Variants in NEDD4L observed in about 807,000 individuals in gnomAD.
NEDD4L encodes the protein NEDD4 like E3 ubiquitin protein ligase.
In NEDD4L, 54 loss-of-function variants were observed where a neutral mutation model predicts 148.9. That is an observed-to-expected ratio of 0.36 (90% CI 0.29 to 0.45). The LOEUF is 0.45. Ranked by LOEUF, NEDD4L falls within the 20% of genes least tolerant of loss-of-function variation. The pLI, the probability that NEDD4L is intolerant of heterozygous loss-of-function variation, is 1.00. For missense variants in NEDD4L, 856 were observed against 1,233.8 expected (o/e 0.69, Z 4.59); for synonymous variants, 433 against 440.7 (o/e 0.98, Z 0.22).
intron 16 of NEDD4L, among the ~76,000 whole-genome samples, chr18:58,348,326 C>CTTTTTTTTCTTTTTTTTTTTT (rs2043371626): frequency 3.4e-5 from 3 of 88,672 alleles, no homozygotes; most frequent in African/African-American, 1.6e-4. Context: ...TCTTTTTTTT[C>CTTTTTTTTCTTTTTTTTTTTT]TTTTTTTTTT....
At chr18:58,124,459 A>G (rs191814660) in intron 1 of NEDD4L, among the ~76,000 whole-genome samples, 15 of 152,238 alleles carry the variant, frequency 9.9e-5, no homozygotes, top group Admixed American at 6.5e-4. Flanking sequence ...TGCTGCTCCA[A>G]GTGCCTTCTG....
intron 2 of NEDD4L, among the ~76,000 whole-genome samples, chr18:58,226,015 A>G (rs544902536): frequency 1.3e-5 from 2 of 152,338 alleles, no homozygotes; most frequent in Admixed American, 1.3e-4. Flanking sequence ...GTTAAAAGAA[A>G]ACAAGAAAAC....
intron 2 of NEDD4L, among the ~76,000 whole-genome samples, chr18:58,229,760 G>A (rs1337466354): frequency 1.3e-5 from 2 of 152,194 alleles, no homozygotes; most frequent in South Asian, 4.1e-4. Context: ...GGGAGGCCGA[G>A]GCGGGCGGAT....
rs900404730 is a variant in NEDD4L at position 58,102,771 on chromosome 18, T to G, written c.48+58063T>G. On this transcript the variant is annotated intron_variant, in intron 1 of 30. Transcript: ENST00000400345. ...GTGTGTGTAGGTTATATGCAAATCC[T>G]ATACCATTTTATGTCAGAGACTTGA... Among the ~76,000 whole-genome samples the G allele has an allele frequency of 1.4e-4, 22 of 152,214 alleles. 1 individual carries two copies.
rs113741425 is a variant in NEDD4L, at chr18:58,274,162, G to A, written c.297+22108G>A. 9.1e-3 allele frequency among the ~76,000 whole-genome samples: 1,381 copies of A among 152,282 alleles called. 22 individuals carry two copies. Among genetic ancestry groups the A allele is most frequent in the African/African-American group, 0.032 (1,318 of 41,546 alleles). ...GCCCATCTCCAAGTGTCAGGCAGGTGAGTGAAGCCATCTTGGATGCTCCAG... is the reference window on the plus strand; with the variant it reads ...GCCCATCTCCAAGTGTCAGGCAGGTAAGTGAAGCCATCTTGGATGCTCCAG... On this transcript the variant is annotated intron_variant, in intron 5 of 30. Coordinates refer to ENST00000400345, the MANE Select transcript of NEDD4L (RefSeq NM_001144967.3).
chr18:58,299,371 T>C (rs2056145395), intron 5 of NEDD4L, among the ~76,000 whole-genome samples: 1 of 152,274 alleles, frequency 6.6e-6, no homozygotes, highest in African/African-American at 2.4e-5. Context: ...CCTTGACTTC[T>C]TGAATTGCAG....
intron 1 of NEDD4L, among the ~76,000 whole-genome samples, chr18:58,164,837 A>C (rs769767442): frequency 2.6e-5 from 4 of 152,164 alleles, no homozygotes; most frequent in Non-Finnish European, 5.9e-5. Flanking sequence ...TGCAGGCTCT[A>C]CATTGATAAC....
intron 2 of NEDD4L, among the ~76,000 whole-genome samples, chr18:58,241,698 G>C (rs2046658741): frequency 6.6e-6 from 1 of 151,820 alleles, no homozygotes; most frequent in Non-Finnish European, 1.5e-5. Context: ...ATTTCTCTAT[G>C]TTCCATTTCA....
chr18:58,251,527 C>CTGTGTGTT (rs1242251357), intron 4 of NEDD4L, among the ~76,000 whole-genome samples: 1 of 151,602 alleles, frequency 6.6e-6, no homozygotes. Context: ...GTCTGTCTGT[C>CTGTGTGTT]TGTGTGTTTG....
At chr18:58,382,187 G>T (rs946562161) in intron 24 of NEDD4L, among the ~76,000 whole-genome samples, 4 of 152,228 alleles carry the variant, frequency 2.6e-5, no homozygotes, top group Non-Finnish European at 4.4e-5. Flanking sequence ...AGTGCGTGGA[G>T]AAGCCGCATG....
intron 1 of NEDD4L, among the ~76,000 whole-genome samples, chr18:58,056,907 T>TTGTTTG (rs1555677527): frequency 1.3e-5 from 2 of 148,162 alleles, no homozygotes; most frequent in South Asian, 4.4e-4. Flanking sequence ...TTTTTTTTTT[T>TTGTTTG]TTTGTTTGTT....
At chr18:58,222,113 CAG>C (rs1241703104) in intron 2 of NEDD4L, among the ~76,000 whole-genome samples, 1 of 152,140 alleles carries the variant, frequency 6.6e-6, no homozygotes, top group African/African-American at 2.4e-5. Context: ...TAATGGAAAA[CAG>C]AGACCGCTGA....
intron 1 of NEDD4L, among the ~76,000 whole-genome samples, chr18:58,081,370 C>T (rs529144543): frequency 7.9e-5 from 12 of 151,854 alleles, no homozygotes; most frequent in Admixed American, 2.0e-4. Flanking sequence ...TGCCTACCAC[C>T]GCGCCCGGCT....
rs116914514 is a variant in NEDD4L at position 58,318,952 on chromosome 18, G to C, written c.348+2920G>C. Among the ~76,000 whole-genome samples, 115 of 152,302 alleles carry C rather than the reference G, an allele frequency of 7.6e-4. No homozygotes were observed. The East Asian group carries it at 0.016, about 21-fold the overall frequency. The stretch of plus-strand genomic sequence containing the variant: ...TGTGCCACTTAAGACAACCATGGCT[G>C]ACTCTGGAATTTAAATTTTCCTAGA... On this transcript the variant is annotated intron_variant, in intron 6 of 30. Transcript: ENST00000400345.
At chr18:58,377,660 G>C (rs1332656955) in intron 24 of NEDD4L, among the ~76,000 whole-genome samples, 1 of 152,204 alleles carries the variant, frequency 6.6e-6, no homozygotes, top group African/African-American at 2.4e-5. Flanking sequence ...CCCACCGGGA[G>C]GAGGGGCCCT....
At chr18:58,289,002 A>T (rs2054315526) in intron 5 of NEDD4L, among the ~76,000 whole-genome samples, 1 of 152,208 alleles carries the variant, frequency 6.6e-6, no homozygotes, top group Non-Finnish European at 1.5e-5. Context: ...TCAGTGTTCG[A>T]CATTTTATTC....
At chr18:58,082,147 G>A (rs189477324) in intron 1 of NEDD4L, among the ~76,000 whole-genome samples, 17 of 114,906 alleles carry the variant, frequency 1.5e-4, no homozygotes, top group South Asian at 5.9e-4. Flanking sequence ...TGCTCTTGTC[G>A]CCCAGACTGG....
chr18:58,233,861 T>C (rs1236370398), intron 2 of NEDD4L, among the ~76,000 whole-genome samples: 2 of 152,176 alleles, frequency 1.3e-5, no homozygotes, highest in African/African-American at 4.8e-5. Context: ...GCTCTTCTAG[T>C]TTGTGATGTT....
chr18:58,123,208 T>C (rs1480750518), intron 1 of NEDD4L, among the ~76,000 whole-genome samples: 1 of 152,118 alleles, frequency 6.6e-6, no homozygotes, highest in African/African-American at 2.4e-5. Context: ...CTTCACAGAG[T>C]ATCCACCCAG....
Sources: gnomAD v4.1 joint callset for allele counts (sites outside exome capture counted in the v4.1 genomes callset) on GRCh38, gnomAD v4.1.1 for gene constraint, MANE v1.5 for transcripts, NCBI Gene and HGNC (gene_info 2026-07-23, HGNC 2026-07-21) for gene names.